Variants in PHACTR2 observed in about 807,000 individuals in gnomAD.
PHACTR2 encodes the protein phosphatase and actin regulator 2.
Under a neutral mutation model 76.0 loss-of-function variants are expected in PHACTR2, and 30 were observed. The ratio of observed to expected loss-of-function variants is 0.39; its 90% confidence interval spans 0.30 to 0.54. The LOEUF (loss-of-function observed/expected upper bound fraction) is 0.54, where lower values mean the gene tolerates loss of function less well. PHACTR2 is among the 20% of genes least tolerant of loss of function. PHACTR2 has a pLI of 0.61. For missense variants in PHACTR2, 696 were observed against 781.1 expected, an observed-to-expected ratio of 0.89 and a Z score of 1.30; for synonymous variants, 292 against 292.5, an observed-to-expected ratio of 1.00 and a Z score of 0.02.
rs1055312373 is a variant in PHACTR2, at chr6:143,751,755, T to C, written c.296-1999T>C. Among the ~76,000 whole-genome samples the C allele has an allele frequency of 6.6e-6, 1 of 150,624 alleles. No homozygotes were observed. The highest frequency in any genetic ancestry group is 2.4e-5 in the African/African-American group (1 of 41,048). ...TTGTCACCTGCCATCCAGCTCAGCA[T>C]CTTCTTGCCTTCCTTTGCTCTGCTT... is the stretch of plus-strand genomic sequence containing the variant. On this transcript the variant is annotated intron_variant, in intron 3 of 12. Transcript: ENST00000440869. This position sits in a 1 kb window ranked among gnomAD's most constrained non-coding sequence, Gnocchi z 5.7.
rs553082471 is a variant in PHACTR2, at chr6:143,767,753, C to T, written c.1232+1955C>T. Among the ~76,000 whole-genome samples, 173 of 152,302 alleles carry T rather than the reference C, an allele frequency of 1.1e-3. 1 individual carries two copies. The highest frequency in any genetic ancestry group is 3.7e-3 in the African/African-American group (154 of 41,564). ...TTTGAAAATGGCATTAATCTATTCA[C>T]GAGGGCAGAGCCTTCATGACTTAAA... On this transcript the variant is annotated intron_variant, in intron 6 of 12. Transcript: ENST00000440869. This position sits in a 1 kb window ranked among gnomAD's most constrained non-coding sequence, Gnocchi z 4.4.
chr6:143,670,848 C>A (rs1582754842), intron 1 of PHACTR2, among the ~76,000 whole-genome samples: 1 of 152,208 alleles, frequency 6.6e-6, no homozygotes, highest in Middle Eastern at 3.4e-3. Context: ...TCTATCAATT[C>A]ATCAAACTCA....
Position 143,549,522 on chromosome 6 carries a change from C to T in PHACTR2, c.217+12315C>T, listed in dbSNP as rs1373432902. Among the ~76,000 whole-genome samples, 1 of 151,942 alleles carries T rather than the reference C, an allele frequency of 6.6e-6. No individual in the cohort carries two copies. The highest frequency in any genetic ancestry group is 1.5e-5 in the Non-Finnish European group (1 of 67,946). ...TCAGAAGGCCGGCCACAGGCAATGG[C>T]AAGATGAGAATGTTTGCCCAAGCCC... On this transcript the variant is annotated intron_variant, in intron 1 of 11. Coordinates refer to the PHACTR2 transcript ENST00000367584. This position sits in a 1 kb window ranked among gnomAD's most constrained non-coding sequence, Gnocchi z 4.2.
At chr6:143,815,209 C>A (rs1051669451) in intron 12 of PHACTR2, among the ~76,000 whole-genome samples, 3 of 152,102 alleles carry the variant, frequency 2.0e-5, no homozygotes, top group African/African-American at 7.2e-5. Flanking sequence ...GAAAGCAAGG[C>A]TCAGTATTGG....
chr6:143,649,000 G>A lies in PHACTR2; in HGVS notation c.13+40678G>A, dbSNP rs1776709466. Reference sequence around the variant, plus strand: ...ACTGTTTCTATGTATGTCTCTGTGTGTCTCTGTGTGTGTCTGTGTGTCTAT... The same window carrying A: ...ACTGTTTCTATGTATGTCTCTGTGTATCTCTGTGTGTGTCTGTGTGTCTAT... On this transcript the variant is annotated intron_variant, in intron 1 of 11. Coordinates refer to the PHACTR2 transcript ENST00000305766. This position sits in a 1 kb window ranked among gnomAD's most constrained non-coding sequence, Gnocchi z 6.7. Among the ~76,000 whole-genome samples, 2 of 141,954 alleles carry A rather than the reference G, an allele frequency of 1.4e-5. No individual in the cohort carries two copies. Among genetic ancestry groups the A allele is most frequent in the African/African-American group, 5.4e-5 (2 of 36,700 alleles). 93.1% of individuals were successfully genotyped at this position (141,954 alleles called of 152,430 possible). A position where few individuals can be genotyped will look rare whatever the true frequency, so the allele number is the denominator to read the frequency against.
rs1421877607 is a variant in PHACTR2 at position 143,826,406 on chromosome 6, T to C, written c.*2717T>C. On this transcript the variant is annotated 3_prime_UTR_variant, in exon 13 of 13. Transcript: ENST00000440869. ...GTGTGTGGGAATTGGATTTCTTTTG[T>C]TGTAACACAATTCCAGGTTTTTGGC... The C allele has an allele frequency of 1.3e-5, 2 of 152,232 alleles. No homozygotes were observed. The highest frequency in any genetic ancestry group is 4.8e-5 in the African/African-American group (2 of 41,444). 9.4% of individuals were successfully genotyped at this position (152,232 alleles called of 1,614,324 possible). A position where few individuals can be genotyped will look rare whatever the true frequency, so the allele number is the denominator to read the frequency against.
intron 1 of PHACTR2, among the ~76,000 whole-genome samples, chr6:143,540,593 A>T (rs1330889267): frequency 6.6e-6 from 1 of 152,176 alleles, no homozygotes; most frequent in Non-Finnish European, 1.5e-5. Flanking sequence ...TCCCCTGACT[A>T]TGCTAGATTA....
At chr6:143,797,460 T>C (rs748887734) in intron 11 of PHACTR2, among the ~76,000 whole-genome samples, 29 of 152,254 alleles carry the variant, frequency 1.9e-4, no homozygotes, top group Non-Finnish European at 3.4e-4. Flanking sequence ...CGTTTGCTTT[T>C]GGCGTTTTAG....
intron 1 of PHACTR2, among the ~76,000 whole-genome samples, chr6:143,600,661 C>CT (rs1415436508): frequency 6.6e-6 from 1 of 152,180 alleles, no homozygotes; most frequent in Non-Finnish European, 1.5e-5. Context: ...ATCTCAATGC[C>CT]TTTTACAGGC....
chr6:143,803,744 T>C lies in PHACTR2; in HGVS notation c.1846-3313T>C, dbSNP rs1422984804. Among the ~76,000 whole-genome samples, 1 of 152,156 alleles carries C rather than the reference T, an allele frequency of 6.6e-6. No homozygotes were observed. The highest frequency in any genetic ancestry group is 2.4e-5 in the African/African-American group (1 of 41,418). The stretch of plus-strand genomic sequence containing the variant: ...TTTGACATTTTCAGCAATAGAGAAA[T>C]ACTGTATTTTGTAAATAGGAATACC... On this transcript the variant is annotated intron_variant, in intron 11 of 12. Coordinates refer to ENST00000440869, the MANE Select transcript of PHACTR2 (RefSeq NM_001100164.2). The surrounding 1 kb of genome is among the most constrained non-coding windows in gnomAD (Gnocchi z 4.7).
At position 143,619,868 on chromosome 6, in the gene PHACTR2, A is replaced by G. The variant is rs190925201; in HGVS notation, c.13+11546A>G. ...TCAGTATGGTATAAAGAGTGAAAAT[A>G]TCTTAGGTCCCCTGTGTGAGATTCT... On this transcript the variant is annotated intron_variant, in intron 1 of 11. Transcript: ENST00000305766. The surrounding 1 kb of genome is among the most constrained non-coding windows in gnomAD (Gnocchi z 4.5). Among the ~76,000 whole-genome samples, 17 of 152,208 alleles carry G rather than the reference A, an allele frequency of 1.1e-4. No homozygotes were observed. Among genetic ancestry groups the G allele is most frequent in the Admixed American group, 9.8e-4 (15 of 15,286 alleles).
rs1776529040 is a variant in PHACTR2 at position 143,639,553 on chromosome 6, G to C, written c.13+31231G>C. Among the ~76,000 whole-genome samples, 1 of 152,170 alleles carries C rather than the reference G, an allele frequency of 6.6e-6. No individual in the cohort carries two copies. The highest frequency in any genetic ancestry group is 2.4e-5 in the African/African-American group (1 of 41,526). On this transcript the variant is annotated intron_variant, in intron 1 of 11. Transcript: ENST00000305766. This position sits in a 1 kb window ranked among gnomAD's most constrained non-coding sequence, Gnocchi z 5.0. ...GGCCCATTCAAAAAGAATTAATTGT[G>C]CTGGGGAAAAGTCTTTAGGTTTGGG...
chr6:143,630,624 TGAA>T (rs1776348717), intron 1 of PHACTR2, among the ~76,000 whole-genome samples: 1 of 152,230 alleles, frequency 6.6e-6, no homozygotes. Context: ...ATCATGGTAA[TGAA>T]TTCACTCATC....
In PHACTR2 at chr6:143,537,967, C is replaced by T. The variant is rs1423934421; in HGVS notation, c.217+760C>T. On this transcript the variant is annotated intron_variant, in intron 1 of 11. Coordinates refer to the PHACTR2 transcript ENST00000367584. This position sits in a 1 kb window ranked among gnomAD's most constrained non-coding sequence, Gnocchi z 4.4. ...CCTACTAAAAATACAAAAAATTAGCCGCCGAGGCGGCGCATGCCTGTAGTC... is the reference window on the plus strand; with the variant it reads ...CCTACTAAAAATACAAAAAATTAGCTGCCGAGGCGGCGCATGCCTGTAGTC... Among the ~76,000 whole-genome samples, 2 of 152,182 alleles carry T rather than the reference C, an allele frequency of 1.3e-5. No individual in the cohort carries two copies. Among genetic ancestry groups the T allele is most frequent in the South Asian group, 2.1e-4 (1 of 4,826 alleles).
chr6:143,621,189 G>C lies in PHACTR2; in HGVS notation c.13+12867G>C, dbSNP rs1776146621. On this transcript the variant is annotated intron_variant, in intron 1 of 11. Transcript: ENST00000305766. The surrounding 1 kb of genome is among the most constrained non-coding windows in gnomAD (Gnocchi z 4.1). ...ATTGGAGGATTGGGTAGGGAATGTGGACAGATTATAGGGAGAGACCAAGGT... is the reference window on the plus strand; with the variant it reads ...ATTGGAGGATTGGGTAGGGAATGTGCACAGATTATAGGGAGAGACCAAGGT... 6.6e-6 allele frequency among the ~76,000 whole-genome samples: 1 copy of C among 152,202 alleles called. No homozygotes were observed. The highest frequency in any genetic ancestry group is 2.4e-5 in the African/African-American group (1 of 41,448).
chr6:143,604,474 C>A (rs910517555), upstream of PHACTR2, among the ~76,000 whole-genome samples: 1 of 152,146 alleles, frequency 6.6e-6, no homozygotes, highest in Non-Finnish European at 1.5e-5. Context: ...TCTGAACTGG[C>A]CTTTATCCCC....
At position 143,731,913 on chromosome 6, in the gene PHACTR2, AG is replaced by A. The variant is rs566667878; in HGVS notation, c.215-17070del. Among the ~76,000 whole-genome samples, 481 of 152,360 alleles carry A rather than the reference AG, an allele frequency of 3.2e-3. 9 individuals are homozygous for A. Among genetic ancestry groups the A allele is most frequent in the East Asian group, 1.3e-3 (7 of 5,186 alleles). On this transcript the variant is annotated intron_variant, in intron 2 of 12. Coordinates refer to ENST00000440869, the MANE Select transcript of PHACTR2 (RefSeq NM_001100164.2). This position sits in a 1 kb window ranked among gnomAD's most constrained non-coding sequence, Gnocchi z 4.9. ...TTCTTTTATAGTTATAGGACCATTC[AG>A]GTGATCTCTTTTAACTTGGGTAAGT...
At chr6:143,687,759 A>G (rs992075536) in intron 1 of PHACTR2, among the ~76,000 whole-genome samples, 2 of 152,220 alleles carry the variant, frequency 1.3e-5, no homozygotes, top group Admixed American at 6.5e-5. Flanking sequence ...TTGGCTGCCA[A>G]GGAAGGACTG....
intron 6 of PHACTR2, among the ~76,000 whole-genome samples, chr6:143,770,472 T>C (rs1254224961): frequency 6.6e-6 from 1 of 152,226 alleles, no homozygotes; most frequent in African/African-American, 2.4e-5. Context: ...CAGTGAACTG[T>C]ACACTTAAAA....
Sources: allele counts gnomAD v4.1 joint callset (sites outside exome capture counted in the v4.1 genomes callset), GRCh38; gene constraint gnomAD v4.1.1; non-coding constraint Gnocchi (gnomAD v3.1); transcripts MANE v1.5; gene names NCBI Gene and HGNC (gene_info 2026-07-23, HGNC 2026-07-21).